The following PTPRD variants were observed in gnomAD, a reference collection of about 807,000 sequenced individuals.
PTPRD encodes the protein receptor-type tyrosine-protein phosphatase delta.
A neutral mutation model predicts 214.5 loss-of-function variants in PTPRD; 34 were observed. The ratio of observed to expected loss-of-function variants is 0.16; its 90% CI spans 0.12 to 0.21. PTPRD has a LOEUF of 0.21. Ranked by LOEUF, PTPRD falls within the 10% of genes least tolerant of loss-of-function variation. PTPRD has a pLI of 1.00. For synonymous variants in PTPRD, 1,128 were observed against 845.7 expected (o/e 1.33, Z -5.79); for missense variants, 2,545 against 2,398.7 (o/e 1.06, Z -1.27).
At chr9:8,995,131 G>A (rs1426543486) in intron 11 of PTPRD, among the ~76,000 whole-genome samples, 1 of 151,844 alleles carries the variant, frequency 6.6e-6, no homozygotes, top group African/African-American at 2.4e-5. Context: ...ATATATAACT[G>A]GCATTTTTTT....
chr9:10,106,009 T>G (rs868176398), intron 3 of PTPRD, among the ~76,000 whole-genome samples: 1 of 69,048 alleles, frequency 1.4e-5, no homozygotes, highest in Non-Finnish European at 2.7e-5. Context: ...ATCTATCACA[T>G]ATTCAAAAAA....
intron 7 of PTPRD, among the ~76,000 whole-genome samples, chr9:9,655,605 C>G (rs1439780892): frequency 6.6e-6 from 1 of 151,376 alleles, no homozygotes; most frequent in Non-Finnish European, 1.5e-5. Flanking sequence ...CAAACCAAAC[C>G]AAACCAAACC....
At chr9:9,718,006 A>G (rs542231085) in intron 7 of PTPRD, among the ~76,000 whole-genome samples, 2 of 152,164 alleles carry the variant, frequency 1.3e-5, no homozygotes, top group African/African-American at 4.8e-5. Flanking sequence ...AAATACCCTC[A>G]CAAAATTTCC....
chr9:9,540,440 A>G (rs2154271531), intron 8 of PTPRD, among the ~76,000 whole-genome samples: 1 of 151,884 alleles, frequency 6.6e-6, no homozygotes, highest in Non-Finnish European at 1.5e-5. Context: ...AGTGATGTAC[A>G]ATGTACAGTA....
chr9:10,185,565 A>G (rs2099326607), intron 3 of PTPRD, among the ~76,000 whole-genome samples: 1 of 152,162 alleles, frequency 6.6e-6, no homozygotes, highest in Non-Finnish European at 1.5e-5. Flanking sequence ...CAAACACCCC[A>G]GGGAGAATTG....
intron 3 of PTPRD, among the ~76,000 whole-genome samples, chr9:10,283,412 G>A (rs75560422): frequency 0.086 from 13,133 of 152,172 alleles, 1,882 homozygotes; most frequent in African/African-American, 0.3. Context: ...AATAAGACGA[G>A]GTCCTCAACA....
intron 11 of PTPRD, among the ~76,000 whole-genome samples, chr9:8,814,238 A>G (rs1330998548): frequency 2.0e-5 from 3 of 152,210 alleles, no homozygotes; most frequent in African/African-American, 7.2e-5. Context: ...AGTCAAGGCT[A>G]AAAGTAAAGA....
chr9:8,561,276 T>G (rs2086200963), intron 14 of PTPRD, among the ~76,000 whole-genome samples: 1 of 151,968 alleles, frequency 6.6e-6, no homozygotes, highest in South Asian at 2.1e-4. Context: ...TCTGAGTCCA[T>G]AAAAAGCCCC....
intron 39 of PTPRD, among the ~76,000 whole-genome samples, chr9:8,354,383 T>C (rs1044603446): frequency 6.6e-6 from 1 of 152,146 alleles, no homozygotes; most frequent in Non-Finnish European, 1.5e-5. Context: ...TCCTACAAGA[T>C]GGACGAAAAT....
chr9:10,236,129 C>T (rs1233507747), intron 3 of PTPRD, among the ~76,000 whole-genome samples: 4 of 151,860 alleles, frequency 2.6e-5, no homozygotes, highest in African/African-American at 4.8e-5. Flanking sequence ...ACTAATTTCA[C>T]GTCCTAACCT....
chr9:8,573,402 T>C (rs141702515), intron 14 of PTPRD, among the ~76,000 whole-genome samples: 1 of 151,990 alleles, frequency 6.6e-6, no homozygotes, highest in African/African-American at 2.4e-5. Flanking sequence ...TTTAACAGAA[T>C]GAAGACAGAC....
chr9:10,509,734 T>C (rs1459094964), intron 2 of PTPRD, among the ~76,000 whole-genome samples: 1 of 151,200 alleles, frequency 6.6e-6, no homozygotes. Flanking sequence ...AGGACAGTAT[T>C]TCAAAACCAA....
chr9:9,246,970 C>A (rs1192374617), intron 9 of PTPRD, among the ~76,000 whole-genome samples: 1 of 143,448 alleles, frequency 7.0e-6, no homozygotes, highest in Non-Finnish European at 1.5e-5. Flanking sequence ...CCTTCTCCTG[C>A]CCTTCTGTCT....
intron 14 of PTPRD, among the ~76,000 whole-genome samples, chr9:8,586,513 T>C (rs574581794): frequency 6.6e-6 from 1 of 152,112 alleles, no homozygotes; most frequent in African/African-American, 2.4e-5. Context: ...TCAAAGGCAA[T>C]TATCAAAAAA....
chr9:10,036,897 T>G (rs2097194194), intron 3 of PTPRD, among the ~76,000 whole-genome samples: 1 of 147,724 alleles, frequency 6.8e-6, no homozygotes, highest in African/African-American at 2.7e-5. Context: ...TATTTATTTA[T>G]TTATTTAGAT....
At chr9:8,480,655 C>T (rs976648388) in intron 30 of PTPRD, among the ~76,000 whole-genome samples, 13 of 152,158 alleles carry the variant, frequency 8.5e-5, no homozygotes, top group Non-Finnish European at 1.8e-4. Flanking sequence ...TAAATCTGCA[C>T]AGTTTCTTAC....
At chr9:8,481,525 G>A (rs1172135064) in intron 30 of PTPRD, among the ~76,000 whole-genome samples, 1 of 151,914 alleles carries the variant, frequency 6.6e-6, no homozygotes, top group Non-Finnish European at 1.5e-5. Context: ...CTGGAGTTTG[G>A]GGAGTTTTTG....
rs150341878 is a variant in PTPRD at position 10,283,876 on chromosome 9, A to G, written c.-545+57087T>C. Among the ~76,000 whole-genome samples, 9 of 152,282 alleles carry G rather than the reference A, an allele frequency of 5.9e-5. No homozygotes were observed. In the East Asian group the frequency reaches 1.7e-3, roughly 29 times the overall value. ...TCTGAAACTGGTTAGGGTCAGTGTG[A>G]CTAGAATTCACAAGTCCTATATGTT... On this transcript the variant is annotated intron_variant, in intron 3 of 45. Coordinates refer to ENST00000381196, the MANE Select transcript of PTPRD (RefSeq NM_002839.4).
intron 11 of PTPRD, among the ~76,000 whole-genome samples, chr9:8,805,505 T>C (rs574428138): frequency 8.4e-4 from 127 of 150,314 alleles, no homozygotes; most frequent in Non-Finnish European, 1.6e-3. Flanking sequence ...TCAATTGCAA[T>C]AGAAAAAAAA....
Sources: allele counts gnomAD v4.1 joint callset (sites outside exome capture counted in the v4.1 genomes callset), GRCh38; gene constraint gnomAD v4.1.1; transcripts MANE v1.5; gene names NCBI Gene and HGNC (gene_info 2026-07-23, HGNC 2026-07-21).